Variants in RSPO4 observed in about 807,000 individuals in gnomAD.
RSPO4 encodes the protein R-spondin 4.
In RSPO4, 23 loss-of-function variants were observed where a neutral mutation model predicts 24.8. That is an observed-to-expected ratio of 0.93 (90% CI 0.67 to 1.31). RSPO4 has a LOEUF of 1.31. RSPO4 is among the 40% of genes most tolerant of loss of function. The pLI is 0.00. For missense variants in RSPO4, 333 were observed against 316.5 expected (o/e 1.05, Z -0.39); for synonymous variants, 141 against 127.4 (o/e 1.11, Z -0.72).
chr20:984,842 C>CCCAT (rs1310640552), intron 1 of RSPO4, among the ~76,000 whole-genome samples: 6 of 152,030 alleles, frequency 3.9e-5, no homozygotes, highest in South Asian at 4.2e-4. Context: ...CCACTGTTCA[C>CCCAT]CCATCCATCC....
At chr20:982,171 C>T (rs772484672) in intron 1 of RSPO4, among the ~76,000 whole-genome samples, 4 of 152,166 alleles carry the variant, frequency 2.6e-5, no homozygotes, top group Non-Finnish European at 5.9e-5. Context: ...AGAGTCTACC[C>T]TCCAGCTGGC....
At chr20:987,876 T>C (rs542181997) in intron 1 of RSPO4, among the ~76,000 whole-genome samples, 4 of 152,262 alleles carry the variant, frequency 2.6e-5, no homozygotes, top group Non-Finnish European at 5.9e-5. Context: ...GGGCCTACTA[T>C]GTGCCAGGCA....
At chr20:965,694 T>A (rs6077457) in intron 3 of RSPO4, among the ~76,000 whole-genome samples, 21,861 of 151,978 alleles carry the variant, frequency 0.14, 2,646 homozygotes, top group African/African-American at 0.33. Flanking sequence ...GAGAAAGGGA[T>A]GAGCTGAATG....
At chr20:1,001,984 A>C in intron 1 of RSPO4, 102 bp downstream of exon 1, 1 of 947,890 alleles carries the variant, frequency 1.1e-6, no homozygotes, top group Admixed American at 2.1e-5. Context: ...CCAGGGCGCC[A>C]GGCACCAGGC....
At position 1,002,165 on chromosome 20, in the gene RSPO4, C is replaced by A. The variant is rs1393842798; in HGVS notation, c.-1G>T. 2.6e-6 allele frequency: 4 copies of A among 1,546,818 alleles called. No homozygotes were observed. Among genetic ancestry groups the A allele is most frequent in the Non-Finnish European group, 3.5e-6 (4 of 1,146,514 alleles). On this transcript the variant is annotated 5_prime_UTR_variant, in exon 1 of 5. Coordinates refer to ENST00000217260, the MANE Select transcript of RSPO4 (RefSeq NM_001029871.4). This position sits in a 1 kb window ranked among gnomAD's most constrained non-coding sequence, Gnocchi z 4.6. Reference sequence around the variant, plus strand: ...GGAGCAGGCAGAGTGGCGCCCGCATCTGGGCAGCCGGATCCGGGCTGGCGC... The same window carrying A: ...GGAGCAGGCAGAGTGGCGCCCGCATATGGGCAGCCGGATCCGGGCTGGCGC...
chr20:1,001,925 A>C (rs553940029), intron 1 of RSPO4, among the ~76,000 whole-genome samples, 161 bp downstream of exon 1: 21 of 152,142 alleles, frequency 1.4e-4, no homozygotes, highest in African/African-American at 4.8e-4. Context: ...TGGAGCCTCA[A>C]TCTCCCCATC....
Position 1,002,199 on chromosome 20 carries a change from CG to C in RSPO4, c.-36del. On this transcript the variant is annotated 5_prime_UTR_variant, in exon 1 of 5. Coordinates refer to ENST00000217260, the MANE Select transcript of RSPO4 (RefSeq NM_001029871.4). This position sits in a 1 kb window ranked among gnomAD's most constrained non-coding sequence, Gnocchi z 4.6. ...CGGATCCGGGCTGGCGCTCCCCAGGCGGCCCGACGGCCCAAGGGCCCCACGT... is the reference window on the plus strand; with the variant it reads ...CGGATCCGGGCTGGCGCTCCCCAGGCGCCCGACGGCCCAAGGGCCCCACGT... The C allele has an allele frequency of 2.0e-6, 3 of 1,479,154 alleles. No individual in the cohort carries two copies. The highest frequency in any genetic ancestry group is 2.7e-6 in the Non-Finnish European group (3 of 1,109,738). The allele number at this position is 1,479,154 out of a possible 1,614,324, so 91.6% of individuals were successfully genotyped here.
intron 1 of RSPO4, among the ~76,000 whole-genome samples, chr20:977,109 A>G (rs1303009797): frequency 6.6e-6 from 1 of 152,168 alleles, no homozygotes; most frequent in Non-Finnish European, 1.5e-5. Context: ...ATAGAAAACA[A>G]TGTAGAGCAG....
At chr20:997,623 G>C (rs1252486977) in intron 1 of RSPO4, among the ~76,000 whole-genome samples, 1 of 152,152 alleles carries the variant, frequency 6.6e-6, no homozygotes, top group Non-Finnish European at 1.5e-5. Flanking sequence ...AGCACTCAGG[G>C]GACATACTTT....
At chr20:967,852 T>C in intron 2 of RSPO4, 98 bp downstream of exon 2, 3 of 1,229,540 alleles carry the variant, frequency 2.4e-6, no homozygotes, top group Non-Finnish European at 1.2e-6. Flanking sequence ...GACATGCACC[T>C]ACTTCCCCTC....
chr20:982,563 A>T (rs1020070922), intron 1 of RSPO4, among the ~76,000 whole-genome samples: 1 of 152,184 alleles, frequency 6.6e-6, no homozygotes, highest in African/African-American at 2.4e-5. Context: ...GGCACCCAGT[A>T]GGTGCTCAGT....
chr20:962,071 G>A (rs937007674), intron 4 of RSPO4, among the ~76,000 whole-genome samples: 8 of 152,130 alleles, frequency 5.3e-5, no homozygotes, highest in African/African-American at 1.9e-4. Context: ...ACTGGATACC[G>A]ACTATGTGCC....
Position 979,742 on chromosome 20 carries a change from T to C in RSPO4, c.80-11604A>G, listed in dbSNP as rs147309530. On this transcript the variant is annotated intron_variant, in intron 1 of 4. Transcript: ENST00000217260. ...CAAATTGGAATTGGCTGCCTCATTC[T>C]TTGGTTTCCCAGCTCCTTCTGCATT... Among the ~76,000 whole-genome samples, 294 of 152,338 alleles carry C rather than the reference T, an allele frequency of 1.9e-3. 2 individuals are homozygous for C. The highest frequency in any genetic ancestry group is 6.8e-3 in the African/African-American group (281 of 41,576).
chr20:960,743 G>A lies in RSPO4; in HGVS notation c.596-277C>T, dbSNP rs563462564. ...CTGGACATCTGGCTCGGCCAGGCCT[G>A]CAGGTTCACCTGGGGCCCCCCAATC... On this transcript the variant is annotated intron_variant, in intron 4 of 4. Transcript: ENST00000217260. Among the ~76,000 whole-genome samples the A allele has an allele frequency of 2.4e-4, 36 of 152,366 alleles. No individual in the cohort carries two copies. The South Asian group carries it at 7.5e-3, about 32-fold the overall frequency.
rs41275604 is a variant in RSPO4, at chr20:964,059, G to A, written c.471C>T (p.Cys157=). ...WSPCTHNGKT[C]GSAWGLESRV... is the part of the protein sequence containing the mutation. ...GGCTCTCCAGGCCCCAAGCCGAGCC[G>A]CAGGTCTTTCCATTGTGTGTGCAGG... Residue 157 remains cysteine, a synonymous_variant, in exon 4 of 5, where the codon TGC becomes TGT. Coordinates refer to ENST00000217260, the MANE Select transcript of RSPO4 (RefSeq NM_001029871.4). The A allele has an allele frequency of 0.018, 29,586 of 1,613,740 alleles. 332 individuals are homozygous for A. The highest frequency in any genetic ancestry group is 0.022 in the Non-Finnish European group (25,640 of 1,180,012).
chr20:999,125 GACTACAGGTGTGCACC>G (rs1183745296), intron 1 of RSPO4, among the ~76,000 whole-genome samples: 2 of 151,982 alleles, frequency 1.3e-5, no homozygotes, highest in African/African-American at 4.8e-5. Flanking sequence ...AAGTAGCTGG[GACTACAGGTGTGCACC>G]ACCACCAACA....
chr20:973,785 G>T (rs905040939), intron 1 of RSPO4, among the ~76,000 whole-genome samples: 1 of 152,142 alleles, frequency 6.6e-6, no homozygotes, highest in African/African-American at 2.4e-5. Flanking sequence ...CTGGCCCACT[G>T]GATGGTGCTT....
intron 1 of RSPO4, 127 bp downstream of exon 1, chr20:1,001,959 G>T (rs1985479206): frequency 1.4e-6 from 1 of 731,712 alleles, no homozygotes; most frequent in African/African-American, 1.8e-5. Flanking sequence ...AGACTCGTCT[G>T]GAGGAGCGAA....
At chr20:990,497 CCTT>C (rs1331195625) in intron 1 of RSPO4, among the ~76,000 whole-genome samples, 2 of 145,526 alleles carry the variant, frequency 1.4e-5, no homozygotes, top group East Asian at 2.0e-4. Context: ...TTCCTTCCCT[CCTT>C]CTTTCCTTCC....
Sources: gnomAD v4.1 joint callset for allele counts (sites outside exome capture counted in the v4.1 genomes callset) on GRCh38, gnomAD v4.1.1 for gene constraint, Gnocchi (gnomAD v3.1) non-coding constraint, MANE v1.5 for transcripts, NCBI Gene and HGNC (gene_info 2026-07-23, HGNC 2026-07-21) for gene names.